Variants in PLEKHM3 observed in about 807,000 individuals in gnomAD.
The protein encoded by PLEKHM3 is pleckstrin homology domain containing M3, also known as pleckstrin homology domain-containing family M member 3.
In PLEKHM3, 45 loss-of-function variants were observed where a neutral mutation model predicts 81.8. The observed-to-expected ratio is 0.55, with a 90% CI of 0.43 to 0.71. The LOEUF is 0.71. Ranked by LOEUF, PLEKHM3 falls within the 30% of genes least tolerant of loss-of-function variation. The pLI is 0.00. For missense variants in PLEKHM3, 788 were observed against 924.3 expected (o/e 0.85, Z 1.91); for synonymous variants, 352 against 356.4 (o/e 0.99, Z 0.14).
chr2:207,953,442 A>T (rs773335782), intron 3 of PLEKHM3, among the ~76,000 whole-genome samples: 1 of 152,080 alleles, frequency 6.6e-6, no homozygotes, highest in Non-Finnish European at 1.5e-5. Context: ...ATTTTATAGC[A>T]GTGAGAGATT....
intron 7 of PLEKHM3, among the ~76,000 whole-genome samples, chr2:207,849,867 T>G (rs1261582537): frequency 6.6e-6 from 1 of 152,242 alleles, no homozygotes; most frequent in Non-Finnish European, 1.5e-5. Context: ...TAAGTATTTA[T>G]GTAACGCTTA....
chr2:207,926,640 G>A (rs1689402972), intron 5 of PLEKHM3, among the ~76,000 whole-genome samples: 1 of 152,296 alleles, frequency 6.6e-6, no homozygotes, highest in East Asian at 1.9e-4. Context: ...CAGCAGGACC[G>A]CCATCTGGGA....
chr2:207,951,049 G>A (rs1259460631), intron 3 of PLEKHM3, among the ~76,000 whole-genome samples: 1 of 152,164 alleles, frequency 6.6e-6, no homozygotes, highest in African/African-American at 2.4e-5. Flanking sequence ...AAGGAAACAC[G>A]AGTTTTTTCA....
intron 5 of PLEKHM3, among the ~76,000 whole-genome samples, chr2:207,929,639 A>T (rs552669348): frequency 6.3e-4 from 96 of 152,372 alleles, no homozygotes; most frequent in African/African-American, 2.1e-3. Flanking sequence ...TTATAAGAAT[A>T]AATCCTGACC....
intron 6 of PLEKHM3, among the ~76,000 whole-genome samples, chr2:207,879,541 T>C (rs1245224520): frequency 6.6e-6 from 1 of 152,238 alleles, no homozygotes; most frequent in Non-Finnish European, 1.5e-5. Context: ...AACATTTAAA[T>C]TGCAACTTTG....
rs1688754293 is a variant in PLEKHM3, at chr2:207,909,774, A to T, written c.1887-1197T>A. On this transcript the variant is annotated intron_variant, in intron 5 of 7. Transcript: ENST00000427836. ...CAAAACAAAAACTCTCTTGGTGATT[A>T]GCACAGCCAAGGTTTAGAACCACTG... Among the ~76,000 whole-genome samples the T allele has an allele frequency of 2.6e-5, 4 of 152,248 alleles. No individual in the cohort carries two copies. The South Asian group carries it at 8.3e-4, about 32-fold the overall frequency.
chr2:207,907,477 G>C (rs965636740), intron 6 of PLEKHM3, among the ~76,000 whole-genome samples: 3 of 151,988 alleles, frequency 2.0e-5, no homozygotes, highest in Admixed American at 1.3e-4. Flanking sequence ...ACTCCAGCCT[G>C]GGCGACAGAG....
intron 1 of PLEKHM3, among the ~76,000 whole-genome samples, chr2:208,008,002 A>G (rs978303367): frequency 2.0e-5 from 3 of 152,056 alleles, no homozygotes; most frequent in Admixed American, 6.5e-5. Context: ...GCAGTGAGCC[A>G]AGATTGCACC....
intron 2 of PLEKHM3, 81 bp from the exon 3 acceptor site, chr2:207,977,667 A>G: frequency 8.2e-7 from 1 of 1,218,146 alleles, no homozygotes; most frequent in Non-Finnish European, 1.2e-6. Context: ...AGATCAGGGC[A>G]CAAGAAACCA....
At chr2:207,972,353 G>A (rs763095885) in intron 3 of PLEKHM3, among the ~76,000 whole-genome samples, 4 of 150,876 alleles carry the variant, frequency 2.7e-5, no homozygotes, top group Admixed American at 6.6e-5. Flanking sequence ...GCCGGGGGGC[G>A]GGGGGGCGGT....
At chr2:207,929,315 A>G (rs1266763526) in intron 5 of PLEKHM3, among the ~76,000 whole-genome samples, 1 of 152,258 alleles carries the variant, frequency 6.6e-6, no homozygotes, top group Non-Finnish European at 1.5e-5. Flanking sequence ...ATTCTTAGTC[A>G]TCCATATGAG....
chr2:207,941,620 T>C (rs1689942319), intron 4 of PLEKHM3, among the ~76,000 whole-genome samples: 2 of 151,978 alleles, frequency 1.3e-5, no homozygotes. Flanking sequence ...AATAGATAGG[T>C]AGGATTACAT....
chr2:207,882,347 G>A (rs1251554681), intron 6 of PLEKHM3, among the ~76,000 whole-genome samples: 1 of 151,300 alleles, frequency 6.6e-6, no homozygotes, highest in Non-Finnish European at 1.5e-5. Flanking sequence ...TGCGGTGGCT[G>A]ACGCCTGTAA....
In PLEKHM3 at chr2:207,882,351, C is replaced by T. The variant is rs915658915; in HGVS notation, c.1951-21089G>A. 2.6e-5 allele frequency among the ~76,000 whole-genome samples: 4 copies of T among 151,272 alleles called. No homozygotes were observed. The East Asian group carries it at 7.9e-4, about 30-fold the overall frequency. ...GGTTGGCCGGATGCGGTGGCTGACG[C>T]CTGTAATCATAGCACTTTGGGAGGC... On this transcript the variant is annotated intron_variant, in intron 6 of 7. Transcript: ENST00000427836.
At chr2:207,989,272 T>C (rs2106064575) in intron 2 of PLEKHM3, among the ~76,000 whole-genome samples, 1 of 152,332 alleles carries the variant, frequency 6.6e-6, no homozygotes, top group South Asian at 2.1e-4. Flanking sequence ...CCAAAGTATC[T>C]GCAATATGCA....
rs541630968 is a variant in PLEKHM3, at chr2:207,828,120, G to A, written c.*199C>T. The A allele has an allele frequency of 1.1e-5, 4 of 349,008 alleles. No individual in the cohort carries two copies. Among genetic ancestry groups the A allele is most frequent in the South Asian group, 1.4e-4 (1 of 7,280 alleles). The allele number at this position is 349,008 out of a possible 1,614,324, so 21.6% of individuals were successfully genotyped here. On this transcript the variant is annotated 3_prime_UTR_variant, in exon 8 of 8. Transcript: ENST00000427836. ...TCGAGCCACAGAGGTTCTGTGGATC[G>A]TCTGGACAATGATGTACACAGAGCA...
At chr2:207,947,281 T>A (rs941927322) in intron 3 of PLEKHM3, among the ~76,000 whole-genome samples, 3 of 152,198 alleles carry the variant, frequency 2.0e-5, no homozygotes, top group Non-Finnish European at 2.9e-5. Context: ...AGCACCCTCT[T>A]CTCTGCTCTT....
intron 6 of PLEKHM3, among the ~76,000 whole-genome samples, chr2:207,906,632 T>C (rs1300851760): frequency 6.6e-6 from 1 of 151,874 alleles, no homozygotes; most frequent in African/African-American, 2.4e-5. Flanking sequence ...CTAGTAAAAA[T>C]GCAAAAATTA....
intron 2 of PLEKHM3, among the ~76,000 whole-genome samples, chr2:207,998,782 T>C (rs1445682923): frequency 6.6e-6 from 1 of 152,128 alleles, no homozygotes; most frequent in Non-Finnish European, 1.5e-5. Flanking sequence ...AAAATAAAAT[T>C]GCAAATAGGA....
Sources: allele counts gnomAD v4.1 joint callset (sites outside exome capture counted in the v4.1 genomes callset), GRCh38; gene constraint gnomAD v4.1.1; transcripts MANE v1.5; gene names NCBI Gene and HGNC (gene_info 2026-07-23, HGNC 2026-07-21).